The following SNTG1 variants were observed in gnomAD, a reference collection of about 807,000 sequenced individuals.
SNTG1 encodes the protein syntrophin gamma 1.
Under a neutral mutation model 74.7 loss-of-function variants are expected in SNTG1, and 39 were observed. That is an observed-to-expected ratio of 0.52 (90% CI 0.40 to 0.68). The LOEUF (loss-of-function observed/expected upper bound fraction) is 0.68, where lower values mean the gene tolerates loss of function less well. Among genes scored for constraint, SNTG1 ranks in the 30% least tolerant of loss-of-function variants. The pLI is 0.00. For synonymous variants in SNTG1, 254 were observed against 217.1 expected (o/e 1.17, Z -1.49); for missense variants, 685 against 609.5 (o/e 1.12, Z -1.30).
chr8:50,069,148 A>G (rs992525211), intron 1 of SNTG1, among the ~76,000 whole-genome samples: 3 of 152,240 alleles, frequency 2.0e-5, no homozygotes, highest in Admixed American at 2.0e-4. Flanking sequence ...AATGTATATA[A>G]ATTAAGTATC....
intron 1 of SNTG1, among the ~76,000 whole-genome samples, chr8:50,114,877 A>G (rs556759890): frequency 6.6e-6 from 1 of 152,234 alleles, no homozygotes; most frequent in South Asian, 2.1e-4. Context: ...AAAAGAAAAA[A>G]AATATATGAA....
chr8:50,573,492 G>A (rs1478555881), intron 12 of SNTG1, among the ~76,000 whole-genome samples: 2 of 151,700 alleles, frequency 1.3e-5, no homozygotes, highest in East Asian at 3.9e-4. Context: ...GAGTTTCTAA[G>A]AAAAAAATGT....
At chr8:49,998,487 A>G (rs1391834709) in intron 1 of SNTG1, among the ~76,000 whole-genome samples, 1 of 152,102 alleles carries the variant, frequency 6.6e-6, no homozygotes, top group Non-Finnish European at 1.5e-5. Flanking sequence ...GACACATTAT[A>G]AAACTGTACA....
At chr8:50,107,568 G>GTT (rs56822263) in intron 1 of SNTG1, among the ~76,000 whole-genome samples, 10 of 151,034 alleles carry the variant, frequency 6.6e-5, no homozygotes, top group Non-Finnish European at 1.3e-4. Flanking sequence ...TTGTTTTTTT[G>GTT]TTTTTTTTGT....
chr8:50,027,065 C>T (rs1775147688), intron 1 of SNTG1, among the ~76,000 whole-genome samples: 1 of 152,118 alleles, frequency 6.6e-6, no homozygotes. Flanking sequence ...CTTTTGAGTA[C>T]ATCCTACACA....
At chr8:50,313,381 C>A (rs568346878) in intron 2 of SNTG1, among the ~76,000 whole-genome samples, 3 of 149,326 alleles carry the variant, frequency 2.0e-5, no homozygotes, top group African/African-American at 5.0e-5. Context: ...AGAAAGACAA[C>A]CATAGATAGA....
At chr8:50,387,338 A>G (rs981723132) in intron 2 of SNTG1, among the ~76,000 whole-genome samples, 3 of 152,150 alleles carry the variant, frequency 2.0e-5, no homozygotes, top group Admixed American at 2.0e-4. Context: ...CCTCAGAGTC[A>G]AGTCGAAAGG....
At chr8:49,961,744 C>G (rs987640110) in intron 1 of SNTG1, among the ~76,000 whole-genome samples, 1 of 152,068 alleles carries the variant, frequency 6.6e-6, no homozygotes, top group Non-Finnish European at 1.5e-5. Flanking sequence ...GTTGAAATGC[C>G]CTCTCTACAT....
At chr8:50,438,492 T>C in intron 4 of SNTG1, 51 bp from the exon 5 acceptor site, 4 of 1,511,148 alleles carry the variant, frequency 2.6e-6, no homozygotes, top group Non-Finnish European at 3.7e-6. Context: ...AAATGGTGTG[T>C]AAGTATAGTA....
At chr8:50,737,253 A>C (rs2095531274) in intron 17 of SNTG1, among the ~76,000 whole-genome samples, 1 of 152,150 alleles carries the variant, frequency 6.6e-6, no homozygotes, top group African/African-American at 2.4e-5. Flanking sequence ...CAGAAATACA[A>C]ACTACCACCA....
intron 15 of SNTG1, among the ~76,000 whole-genome samples, chr8:50,665,885 A>C (rs903850877): frequency 6.6e-6 from 1 of 152,184 alleles, no homozygotes; most frequent in Admixed American, 6.6e-5. Flanking sequence ...CCTCCTCAGA[A>C]ATAACTTACT....
chr8:50,077,962 TTATG>T (rs909578234), intron 1 of SNTG1, among the ~76,000 whole-genome samples: 24 of 152,106 alleles, frequency 1.6e-4, no homozygotes, highest in African/African-American at 5.3e-4. Flanking sequence ...ATGTGTGTAT[TTATG>T]TATGTGTGTG....
At chr8:49,972,917 G>T (rs957531412) in intron 1 of SNTG1, among the ~76,000 whole-genome samples, 1 of 151,776 alleles carries the variant, frequency 6.6e-6, no homozygotes, top group East Asian at 1.9e-4. Context: ...CTGTTGGTGG[G>T]ACTGTAAACT....
chr8:50,104,275 C>T (rs563608932), intron 1 of SNTG1, among the ~76,000 whole-genome samples: 123 of 152,222 alleles, frequency 8.1e-4, no homozygotes, highest in African/African-American at 2.9e-3. Flanking sequence ...CAACTTCTTC[C>T]TGGTTTAGTC....
intron 1 of SNTG1, among the ~76,000 whole-genome samples, chr8:49,933,542 T>C (rs908553226): frequency 3.3e-5 from 5 of 152,234 alleles, no homozygotes; most frequent in African/African-American, 1.2e-4. Flanking sequence ...TTTACTTATT[T>C]ATTTAGTTAG....
At chr8:50,275,664 C>T (rs2088055540) in intron 2 of SNTG1, among the ~76,000 whole-genome samples, 2 of 152,146 alleles carry the variant, frequency 1.3e-5, no homozygotes, top group African/African-American at 4.8e-5. Flanking sequence ...TCCTACCCCA[C>T]CTAAGTCCGG....
chr8:50,562,448 G>C (rs1298785936), intron 12 of SNTG1, among the ~76,000 whole-genome samples: 2 of 152,310 alleles, frequency 1.3e-5, no homozygotes, highest in East Asian at 3.9e-4. Context: ...AGAAGGGAAT[G>C]CAATTCAAAG....
chr8:50,175,491 A>G (rs1481564528), intron 2 of SNTG1, among the ~76,000 whole-genome samples: 1 of 152,190 alleles, frequency 6.6e-6, no homozygotes, highest in East Asian at 1.9e-4. Flanking sequence ...GGAAGCTGAA[A>G]CTTCCAGAAT....
chr8:50,585,046 T>C (rs1332339367), intron 12 of SNTG1, among the ~76,000 whole-genome samples: 2 of 152,148 alleles, frequency 1.3e-5, no homozygotes, highest in African/African-American at 2.4e-5. Context: ...AGAATTTTCA[T>C]AGATAGAACT....
Sources: allele counts gnomAD v4.1 joint callset (sites outside exome capture counted in the v4.1 genomes callset), GRCh38; gene constraint gnomAD v4.1.1; transcripts MANE v1.5; gene names NCBI Gene and HGNC (gene_info 2026-07-23, HGNC 2026-07-21).